The following MAP1LC3A variants were observed in gnomAD, a reference collection of about 807,000 sequenced individuals.
MAP1LC3A encodes microtubule associated protein 1 light chain 3 alpha, also known as microtubule-associated protein 1 light chain 3 alpha.
In MAP1LC3A, 10 loss-of-function variants were observed where a neutral mutation model predicts 15.2. The ratio of observed to expected loss-of-function variants is 0.66; its 90% CI spans 0.41 to 1.12. The LOEUF is 1.12. Among genes scored for constraint, MAP1LC3A ranks in the 50% most tolerant of loss-of-function variants. The pLI is 0.00. For synonymous variants in MAP1LC3A, 63 were observed against 64.3 expected, an observed-to-expected ratio of 0.98 and a Z score of 0.10; for missense variants, 138 against 167.3, an observed-to-expected ratio of 0.82 and a Z score of 0.97.
upstream of MAP1LC3A, chr20:34,558,056 T>C: frequency 1.0e-6 from 1 of 985,314 alleles, no homozygotes; most frequent in South Asian, 4.7e-5. This position sits in a 1 kb window ranked among gnomAD's most constrained non-coding sequence, Gnocchi z 4.3. Flanking sequence ...CCTCTGGAGC[T>C]CTGCTCGGGC....
In MAP1LC3A at chr20:34,558,878, G is replaced by C; in HGVS notation, c.10G>C (p.Asp4His). ...CAGCCGGGCCCGCGCGATGCCCTCA[G>C]ACCGGCCTTTCAAGCAGCGGCGGAG... MPS[D>H]RPFKQRRSFA... The change falls in exon 1 of 4, where the codon GAC becomes CAC. Residue 4 changes from aspartate to histidine, a missense_variant. Asp to His is a moderately conservative substitution (Grantham distance 81). Transcript: ENST00000360668. This position sits in a 1 kb window ranked among gnomAD's most constrained non-coding sequence, Gnocchi z 4.3. 2 of 1,432,450 alleles carry C rather than the reference G, an allele frequency of 1.4e-6. No individual in the cohort carries two copies. The highest frequency in any genetic ancestry group is 1.8e-6 in the Non-Finnish European group (2 of 1,098,262). 88.7% of individuals were successfully genotyped at this position (1,432,450 alleles called of 1,614,324 possible). A position where few individuals can be genotyped will look rare whatever the true frequency, so the allele number is the denominator to read the frequency against.
intron 2 of MAP1LC3A, among the ~76,000 whole-genome samples, chr20:34,551,723 C>T (rs1200854150): frequency 3.3e-5 from 5 of 151,908 alleles, no homozygotes; most frequent in African/African-American, 4.8e-5. Flanking sequence ...CTTGGCCTCC[C>T]GAAGTGCTGG....
rs1488302498 is a variant in MAP1LC3A, at chr20:34,559,812, C to G, written c.280C>G (p.Pro94Ala). 6.2e-7 allele frequency: 1 copy of G among 1,613,798 alleles called. No homozygotes were observed. Among genetic ancestry groups the G allele is most frequent in the Non-Finnish European group, 8.5e-7 (1 of 1,179,948 alleles). ...NQHSMVSVSTPIADIYEQEKD... is the reference protein window; with the variant it reads ...NQHSMVSVSTAIADIYEQEKD... ...GCACAGCATGGTGAGTGTGTCCACG[C>G]CCATCGCGGACATCTACGAGCAGGA... Residue 94 changes from proline to alanine, a missense_variant, in exon 4 of 4, where the codon CCC becomes GCC. Pro to Ala is a conservative substitution (Grantham distance 27). Transcript: ENST00000360668.
intron 2 of MAP1LC3A, among the ~76,000 whole-genome samples, chr20:34,551,796 A>G (rs559446587): frequency 6.6e-6 from 1 of 151,794 alleles, no homozygotes; most frequent in Non-Finnish European, 1.5e-5. Flanking sequence ...TTTGGGTCAC[A>G]TTAGTGAGTG....
chr20:34,559,583 A>G, intron 3 of MAP1LC3A, 130 bp downstream of exon 3: 1 of 1,221,932 alleles, frequency 8.2e-7, no homozygotes, highest in Non-Finnish European at 1.2e-6. Flanking sequence ...GGTGGCTGGA[A>G]AGGTCAAGGT....
At position 34,559,093 on chromosome 20, in the gene MAP1LC3A, T is replaced by C. The variant is rs1159099503; in HGVS notation, c.41-115T>C. On this transcript the variant is annotated intron_variant, in intron 1 of 3. Transcript: ENST00000360668. ...AGGTGCCAGGGGCTGTGGGGCCTGA[T>C]GGCCCCGGGGGTGGGGGCTGGAGCT... The C allele has an allele frequency of 3.0e-6, 4 of 1,325,654 alleles. No homozygotes were observed. The African/African-American group carries it at 6.3e-5, about 21-fold the overall frequency. 82.1% of individuals were successfully genotyped at this position (1,325,654 alleles called of 1,614,324 possible).
At position 34,559,448 on chromosome 20, in the gene MAP1LC3A, C is replaced by A; in HGVS notation, c.198C>A (p.Ile66=). ...TCAACATGAGCGAGTTGGTCAAGAT[C>A]ATCCGGTGCGTGGGCAGCCGCCGCC... ...DHVNMSELVK[I]IRRRLQLNPT... is the part of the protein sequence containing the mutation. The change falls in exon 3 of 4, where the codon ATC becomes ATA. Residue 66 remains isoleucine (I), a synonymous_variant. Coordinates refer to ENST00000360668, the MANE Select transcript of MAP1LC3A (RefSeq NM_032514.4). The A allele has an allele frequency of 6.2e-7, 1 of 1,612,214 alleles. No homozygotes were observed. The highest frequency in any genetic ancestry group is 8.5e-7 in the Non-Finnish European group (1 of 1,179,330).
intron 2 of MAP1LC3A, among the ~76,000 whole-genome samples, chr20:34,553,182 G>A (rs1342814021): frequency 6.6e-6 from 1 of 152,068 alleles, no homozygotes; most frequent in East Asian, 1.9e-4. Flanking sequence ...GAGCGAAATT[G>A]CATCTCAAAA....
intron 2 of MAP1LC3A, among the ~76,000 whole-genome samples, chr20:34,550,214 A>AGG (rs1981896482): frequency 6.6e-6 from 1 of 150,786 alleles, no homozygotes; most frequent in Admixed American, 6.6e-5. Context: ...GGCAGGAATG[A>AGG]GGGGTGGGAG....
At chr20:34,549,002 G>A (rs1388847227) in intron 1 of MAP1LC3A, among the ~76,000 whole-genome samples, 1 of 145,098 alleles carries the variant, frequency 6.9e-6, no homozygotes, top group Non-Finnish European at 1.5e-5. Context: ...CACCATGCCC[G>A]GCCCCACTTT....
At chr20:34,547,731 C>T (rs754167736) in intron 1 of MAP1LC3A, among the ~76,000 whole-genome samples, 1 of 152,142 alleles carries the variant, frequency 6.6e-6, no homozygotes, top group Non-Finnish European at 1.5e-5. Flanking sequence ...CCTCCCCAGC[C>T]ATGCAGAACT....
chr20:34,552,499 C>T (rs970947622), intron 2 of MAP1LC3A, among the ~76,000 whole-genome samples: 1 of 152,260 alleles, frequency 6.6e-6, no homozygotes. Flanking sequence ...ATGTTCCAGG[C>T]AAAGGCCCTG....
upstream of MAP1LC3A, among the ~76,000 whole-genome samples, chr20:34,554,376 T>G (rs1331167253): frequency 7.4e-5 from 3 of 40,342 alleles, 1 homozygote; most frequent in East Asian, 1.2e-3. Context: ...TTTTTTTTTT[T>G]TTTTTTTTTT....
Position 34,558,839 on chromosome 20 carries a change from C to G in MAP1LC3A, c.-30C>G. On this transcript the variant is annotated 5_prime_UTR_variant, in exon 1 of 4. Transcript: ENST00000360668. This position sits in a 1 kb window ranked among gnomAD's most constrained non-coding sequence, Gnocchi z 4.3. ...AGACACATCCCCGCGCCCCAGAGCC[C>G]CGGCCTGCGCGCCCAGCCGGGCCCG... is the stretch of plus-strand genomic sequence containing the variant. The G allele has an allele frequency of 3.5e-6, 5 of 1,432,366 alleles. No individual in the cohort carries two copies. Among genetic ancestry groups the G allele is most frequent in the Non-Finnish European group, 4.5e-6 (5 of 1,099,722 alleles). The allele number at this position is 1,432,366 out of a possible 1,614,324, so 88.7% of individuals were successfully genotyped here. A position where few individuals can be genotyped will look rare whatever the true frequency, so the allele number is the denominator to read the frequency against.
rs551544147 is a variant in MAP1LC3A, at chr20:34,559,280, C to T, written c.96+17C>T. ...AAAATCCCGGTGAGTCCCGCACCCC[C>T]AGCCCTGCCCCGCCCCCGCCTCGCG... On this transcript the variant is annotated intron_variant, in intron 2 of 3. Coordinates refer to ENST00000360668, the MANE Select transcript of MAP1LC3A (RefSeq NM_032514.4). The T allele has an allele frequency of 1.3e-6, 2 of 1,594,818 alleles. No individual in the cohort carries two copies. The highest frequency in any genetic ancestry group is 1.3e-5 in the African/African-American group (1 of 74,492).
chr20:34,549,378 C>A (rs758574348), intron 1 of MAP1LC3A, among the ~76,000 whole-genome samples: 3 of 152,168 alleles, frequency 2.0e-5, no homozygotes, highest in African/African-American at 7.2e-5. Flanking sequence ...GAGATAATGA[C>A]CCTGACTCAG....
chr20:34,549,784 T>TG (rs1370625889), intron 1 of MAP1LC3A: 1 of 542,334 alleles, frequency 1.8e-6, no homozygotes, highest in Non-Finnish European at 3.3e-6. Flanking sequence ...ATGGCACTGG[T>TG]GGGCGTGTCT....
At chr20:34,558,717 C>T, upstream of MAP1LC3A, 4 of 1,289,330 alleles carry the variant, frequency 3.1e-6, no homozygotes, top group Non-Finnish European at 3.9e-6. This position sits in a 1 kb window ranked among gnomAD's most constrained non-coding sequence, Gnocchi z 4.3. Flanking sequence ...CTGACGTCAC[C>T]GGGCGAGTTA....
chr20:34,552,187 G>C (rs1211688131), intron 2 of MAP1LC3A, among the ~76,000 whole-genome samples: 1 of 152,130 alleles, frequency 6.6e-6, no homozygotes. Context: ...TAGTAGAGAC[G>C]GGGTTTCGCC....
Sources: gnomAD v4.1 joint callset for allele counts (sites outside exome capture counted in the v4.1 genomes callset) on GRCh38, gnomAD v4.1.1 for gene constraint, Gnocchi (gnomAD v3.1) non-coding constraint, MANE v1.5 for transcripts, NCBI Gene and HGNC (gene_info 2026-07-23, HGNC 2026-07-21) for gene names.